The following PKD1L1 variants were observed in gnomAD, a reference collection of about 807,000 sequenced individuals.
PKD1L1 encodes the protein polycystin-1-like protein 1.
A neutral mutation model predicts 323.4 loss-of-function variants in PKD1L1; 236 were observed. That is an observed-to-expected ratio of 0.73 (90% confidence interval 0.66 to 0.81). The LOEUF (loss-of-function observed/expected upper bound fraction) is 0.81. PKD1L1 is among the 40% of genes least tolerant of loss of function. PKD1L1 has a pLI of 0.00. For synonymous variants in PKD1L1, 1,344 were observed against 1,335.0 expected, an observed-to-expected ratio of 1.01 and a Z score of -0.15; for missense variants, 3,320 against 3,508.0, an observed-to-expected ratio of 0.95 and a Z score of 1.35.
upstream of PKD1L1, among the ~76,000 whole-genome samples, chr7:47,950,709 C>CA (rs11445663): frequency 0.2 from 28,052 of 140,172 alleles, 2,861 homozygotes; most frequent in African/African-American, 0.29. Flanking sequence ...ACTCTTGTCT[C>CA]AAAAAAAAAA....
At chr7:47,918,107 G>A (rs1787466408) in intron 7 of PKD1L1, among the ~76,000 whole-genome samples, 1 of 152,022 alleles carries the variant, frequency 6.6e-6, no homozygotes, top group Admixed American at 6.6e-5. Context: ...AACACATAAG[G>A]ACTCGCACAG....
chr7:47,853,656 T>G (rs1474912010), intron 30 of PKD1L1, among the ~76,000 whole-genome samples: 2 of 150,332 alleles, frequency 1.3e-5, no homozygotes, highest in Non-Finnish European at 2.9e-5. Context: ...GGCAGGAGAA[T>G]CACTTGAACC....
intron 49 of PKD1L1, among the ~76,000 whole-genome samples, chr7:47,812,673 C>T (rs529622389): frequency 6.6e-6 from 1 of 152,072 alleles, no homozygotes; most frequent in Admixed American, 6.5e-5. Flanking sequence ...ATGGGGCAGG[C>T]GGCCTGACCT....
intron 56 of PKD1L1, among the ~76,000 whole-genome samples, chr7:47,791,554 A>G (rs17627805): frequency 0.11 from 16,106 of 151,598 alleles, 1,218 homozygotes; most frequent in Non-Finnish European, 0.14. Context: ...TCAAAGTTAT[A>G]CCCTTCATCT....
intron 56 of PKD1L1, 36 bp from the exon 57 acceptor site, chr7:47,775,202 A>G: frequency 6.2e-7 from 1 of 1,612,960 alleles, no homozygotes; most frequent in Non-Finnish European, 8.5e-7. Flanking sequence ...CTGAAACAAC[A>G]CCCCTCTCTC....
chr7:47,863,047 G>A (rs1428567740), intron 26 of PKD1L1, among the ~76,000 whole-genome samples: 9 of 152,180 alleles, frequency 5.9e-5, no homozygotes, highest in Admixed American at 5.9e-4. Context: ...CTTGGATTTG[G>A]GTGAAGCGCA....
At chr7:47,836,316 C>A (rs1448635938) in intron 37 of PKD1L1, among the ~76,000 whole-genome samples, 1 of 152,284 alleles carries the variant, frequency 6.6e-6, no homozygotes, top group South Asian at 2.1e-4. Context: ...TACGACCCAG[C>A]GGTGAACCCG....
At chr7:47,834,870 T>C (rs1785423459) in intron 39 of PKD1L1, 97 bp downstream of exon 39, 11 of 1,024,308 alleles carry the variant, frequency 1.1e-5, no homozygotes, top group Non-Finnish European at 1.6e-5. Flanking sequence ...ATAAACATAA[T>C]GCAAATTGAA....
chr7:47,829,639 A>C, intron 43 of PKD1L1, 38 bp from the exon 44 acceptor site: 1 of 1,562,892 alleles, frequency 6.4e-7, no homozygotes, highest in Non-Finnish European at 8.6e-7. Context: ...GAGCCGCCCT[A>C]TGTCTGTGTT....
In PKD1L1 at chr7:47,846,940, C is replaced by G. The variant is rs1471197223; in HGVS notation, c.5092G>C (p.Glu1698Gln). ...WIRCLFWDKR[E>Q]WKSERFSPQP... The stretch of plus-strand genomic sequence containing the variant: ...GGAGAGAAACGTTCAGATTTCCACT[C>G]TCTCTTGTCCCAAAACAGGCATCGG... Residue 1698 changes from glutamate to glutamine, a missense_variant, in exon 32 of 57, where the codon GAG (glutamate) becomes CAG (glutamine). Transcript: ENST00000289672. 1.9e-6 allele frequency: 3 copies of G among 1,613,758 alleles called. No homozygotes were observed.
chr7:47,790,662 T>C (rs1786922934), intron 56 of PKD1L1, among the ~76,000 whole-genome samples: 1 of 152,186 alleles, frequency 6.6e-6, no homozygotes, highest in African/African-American at 2.4e-5. Context: ...CACTTGGAGA[T>C]GACTTGATTT....
chr7:47,848,638 T>A (rs1785715525), intron 31 of PKD1L1, among the ~76,000 whole-genome samples: 1 of 152,074 alleles, frequency 6.6e-6, no homozygotes, highest in Non-Finnish European at 1.5e-5. Context: ...AAACTCTGTC[T>A]CTACTAAAAA....
At chr7:47,905,103 G>A (rs1323724963) in intron 11 of PKD1L1, 54 bp downstream of exon 11, 1 of 1,565,686 alleles carries the variant, frequency 6.4e-7, no homozygotes, top group Non-Finnish European at 8.7e-7. Context: ...TCTTCAGACT[G>A]AGTATAGGCT....
chr7:47,805,086 T>TACACACAC (rs59085691), intron 52 of PKD1L1, among the ~76,000 whole-genome samples: 5 of 150,070 alleles, frequency 3.3e-5, no homozygotes, highest in African/African-American at 9.8e-5. Flanking sequence ...CCTGTACAAA[T>TACACACAC]ACACACACAC....
Position 47,881,951 on chromosome 7 carries a change from C to T in PKD1L1, c.3400G>A (p.Ala1134Thr), listed in dbSNP as rs746561355. Residue 1134 changes from alanine (A) to threonine (T), a missense_variant, in exon 20 of 57, where the codon GCC becomes ACC. Ala to Thr is a moderately conservative substitution (Grantham distance 58). Transcript: ENST00000289672. ...EPVLMIDWPK[A>T]LLGRAVFQGY... ...TGGAAAACTGCTCGACCCAGCAGGG[C>T]CTTGGGCCAGTCAATCATGAGGACA... 4.3e-6 allele frequency: 7 copies of T among 1,613,366 alleles called. No homozygotes were observed. The highest frequency in any genetic ancestry group is 5.9e-6 in the Non-Finnish European group (7 of 1,179,812).
chr7:47,924,320 T>C (rs1024695896), intron 7 of PKD1L1, among the ~76,000 whole-genome samples: 1 of 152,228 alleles, frequency 6.6e-6, no homozygotes, highest in Non-Finnish European at 1.5e-5. Context: ...ACTGTCTTTG[T>C]GCAGCTGAGT....
Position 47,855,875 on chromosome 7 carries a change from CAAAAAAAAAAAAA to C in PKD1L1, c.4591-623_4591-611del, listed in dbSNP as rs536157879. On this transcript the variant is annotated intron_variant, in intron 28 of 56. Coordinates refer to ENST00000289672, the MANE Select transcript of PKD1L1 (RefSeq NM_138295.5). ...TGGGCGACAGAGCGAGACTCCGTCT[CAAAAAAAAAAAAA>C]AAAAAAAAAAAAGAAAAGTATATGC... Among the ~76,000 whole-genome samples the C allele has an allele frequency of 9.2e-5, 3 of 32,548 alleles. 1 individual carries two copies. The highest frequency in any genetic ancestry group is 5.4e-4 in the African/African-American group (2 of 3,684). 21.4% of individuals were successfully genotyped at this position (32,548 alleles called of 152,430 possible). A position where few individuals can be genotyped will look rare whatever the true frequency, so the allele number is the denominator to read the frequency against.
At chr7:47,937,939 G>C (rs1787903215) in intron 3 of PKD1L1, among the ~76,000 whole-genome samples, 1 of 152,146 alleles carries the variant, frequency 6.6e-6, no homozygotes, top group African/African-American at 2.4e-5. Flanking sequence ...GGAAAGCAGG[G>C]AGGTGCCCAC....
At chr7:47,891,685 C>A (rs1475095901) in intron 15 of PKD1L1, among the ~76,000 whole-genome samples, 1 of 152,260 alleles carries the variant, frequency 6.6e-6, no homozygotes, top group Admixed American at 6.5e-5. Flanking sequence ...CTGTGCAGAG[C>A]AACTGCCCCT....
Sources: gnomAD v4.1 joint callset for allele counts (sites outside exome capture counted in the v4.1 genomes callset) on GRCh38, gnomAD v4.1.1 for gene constraint, MANE v1.5 for transcripts, NCBI Gene and HGNC (gene_info 2026-07-23, HGNC 2026-07-21) for gene names.